LRP1B: variants seen among roughly 807,000 people sequenced by gnomAD.
LRP1B encodes LDL receptor related protein 1B, also known as low-density lipoprotein receptor-related protein 1B.
In LRP1B, 217 loss-of-function variants were observed where a neutral mutation model predicts 556.6. The ratio of observed to expected loss-of-function variants is 0.39; its 90% CI spans 0.35 to 0.44. LRP1B has a LOEUF of 0.44. LRP1B is among the 20% of genes least tolerant of loss of function. The probability of loss-of-function intolerance (pLI) is 1.00; values close to 1 mark genes in which losing one functional copy is unlikely to be tolerated. For synonymous variants in LRP1B, 2,047 were observed against 1,865.8 expected (o/e 1.10, Z -2.50); for missense variants, 5,053 against 5,620.8 (o/e 0.90, Z 3.23).
At position 140,501,978 on chromosome 2, in the gene LRP1B, CATA is replaced by C. The variant is rs1299220244; in HGVS notation, c.8663-107_8663-105del. ...TATCATTAACTCAGGTGTCAAAAAT[CATA>C]ATATAAGTTTATATAAAATCTTTTA... is the stretch of plus-strand genomic sequence containing the variant. On this transcript the variant is annotated intron_variant, in intron 54 of 90. Transcript: ENST00000389484. 6 of 768,122 alleles carry C rather than the reference CATA, an allele frequency of 7.8e-6. No homozygotes were observed. The African/African-American group carries it at 1.1e-4, about 14-fold the overall frequency. 47.6% of individuals were successfully genotyped at this position (768,122 alleles called of 1,614,324 possible).
At chr2:141,608,914 G>A (rs1449947951) in intron 2 of LRP1B, among the ~76,000 whole-genome samples, 1 of 152,148 alleles carries the variant, frequency 6.6e-6, no homozygotes, top group African/African-American at 2.4e-5. Flanking sequence ...TTACCAAAAT[G>A]TAATAATGAA....
chr2:141,794,581 A>C (rs1695738139), intron 2 of LRP1B, among the ~76,000 whole-genome samples: 1 of 152,010 alleles, frequency 6.6e-6, no homozygotes, highest in South Asian at 2.1e-4. Flanking sequence ...AAGTACTTTG[A>C]TCACCATATG....
intron 1 of LRP1B, among the ~76,000 whole-genome samples, chr2:142,053,709 A>G (rs555920771): frequency 6.6e-6 from 1 of 152,272 alleles, no homozygotes; most frequent in South Asian, 2.1e-4. Context: ...GAATTGTTAC[A>G]AAAAGACCAT....
intron 5 of LRP1B, among the ~76,000 whole-genome samples, chr2:141,233,415 T>C (rs1683543517): frequency 2.6e-5 from 4 of 152,192 alleles, no homozygotes; most frequent in Admixed American, 2.6e-4. Context: ...AGAATAGTAT[T>C]TGTGCTCTGT....
At chr2:140,547,959 GAAA>G (rs554822826) in intron 43 of LRP1B, among the ~76,000 whole-genome samples, 6 of 115,104 alleles carry the variant, frequency 5.2e-5, no homozygotes, top group Non-Finnish European at 7.4e-5. Flanking sequence ...CTGTAATCAG[GAAA>G]AAAAAAAAAA....
chr2:140,802,145 A>G (rs112934528), intron 32 of LRP1B, among the ~76,000 whole-genome samples: 2,957 of 152,282 alleles, frequency 0.019, 52 homozygotes, highest in Middle Eastern at 0.038. Context: ...ATTCTACTCA[A>G]CAAGCAATTT....
intron 2 of LRP1B, among the ~76,000 whole-genome samples, chr2:141,761,475 GA>G (rs1467594992): frequency 3.3e-5 from 5 of 151,236 alleles, no homozygotes; most frequent in African/African-American, 1.2e-4. Flanking sequence ...TACACTATAA[GA>G]AAAAAATTTT....
chr2:141,628,895 C>G (rs1004426441), intron 2 of LRP1B, among the ~76,000 whole-genome samples: 8 of 152,052 alleles, frequency 5.3e-5, no homozygotes, highest in African/African-American at 1.9e-4. Flanking sequence ...AGTGATCCTC[C>G]TGCCTCAGCC....
At chr2:140,770,216 A>G (rs1213925457) in intron 34 of LRP1B, among the ~76,000 whole-genome samples, 2 of 151,898 alleles carry the variant, frequency 1.3e-5, no homozygotes, top group African/African-American at 4.8e-5. Context: ...GGTGCTTAGA[A>G]CAGTGCCATG....
chr2:141,001,523 A>G (rs1389468432), intron 15 of LRP1B, among the ~76,000 whole-genome samples: 1 of 151,976 alleles, frequency 6.6e-6, no homozygotes, highest in Non-Finnish European at 1.5e-5. Flanking sequence ...CCTGTGTCCA[A>G]GTGTTCTCAT....
intron 3 of LRP1B, among the ~76,000 whole-genome samples, chr2:141,323,417 G>A (rs1243881349): frequency 6.6e-6 from 1 of 152,058 alleles, no homozygotes; most frequent in African/African-American, 2.4e-5. Flanking sequence ...GCTTAAGCAA[G>A]TTATTCAAAA....
chr2:141,015,199 C>CA (rs1235855039), intron 13 of LRP1B, among the ~76,000 whole-genome samples: 1 of 151,804 alleles, frequency 6.6e-6, no homozygotes. Context: ...GTTACTCTAG[C>CA]AAAAAAAGCA....
intron 1 of LRP1B, among the ~76,000 whole-genome samples, chr2:141,989,705 A>T (rs1702289832): frequency 6.6e-6 from 1 of 152,020 alleles, no homozygotes; most frequent in Non-Finnish European, 1.5e-5. Flanking sequence ...TGATGGTTTT[A>T]TAATGGCTTC....
intron 27 of LRP1B, among the ~76,000 whole-genome samples, chr2:140,860,189 G>A (rs981929992): frequency 3.9e-5 from 6 of 152,060 alleles, no homozygotes; most frequent in Non-Finnish European, 8.8e-5. Flanking sequence ...AATTCATTCT[G>A]ATTTATTCAC....
intron 41 of LRP1B, among the ~76,000 whole-genome samples, chr2:140,668,883 G>A (rs909166577): frequency 1.3e-5 from 2 of 152,188 alleles, no homozygotes; most frequent in Non-Finnish European, 2.9e-5. Flanking sequence ...AAGAGAAAAT[G>A]TAAAATACGG....
chr2:141,838,847 T>C (rs963011980), intron 1 of LRP1B, among the ~76,000 whole-genome samples: 1 of 152,116 alleles, frequency 6.6e-6, no homozygotes, highest in Non-Finnish European at 1.5e-5. Flanking sequence ...TTCAGATTAG[T>C]ATTTGCTTTT....
intron 43 of LRP1B, among the ~76,000 whole-genome samples, chr2:140,557,962 T>G (rs1239424987): frequency 1.3e-5 from 2 of 152,230 alleles, no homozygotes; most frequent in South Asian, 4.1e-4. Flanking sequence ...AAGCCTAAGC[T>G]CCAAAGAATA....
At chr2:141,301,264 GAATA>G (rs1686386702) in intron 3 of LRP1B, among the ~76,000 whole-genome samples, 1 of 152,050 alleles carries the variant, frequency 6.6e-6, no homozygotes, top group African/African-American at 2.4e-5. Context: ...GGGACATTGG[GAATA>G]AATATTTTAT....
chr2:141,410,415 A>G (rs1268501710), intron 3 of LRP1B, among the ~76,000 whole-genome samples: 1 of 152,060 alleles, frequency 6.6e-6, no homozygotes, highest in Non-Finnish European at 1.5e-5. Context: ...TGTTTTAAAA[A>G]GATGATATAG....
Sources: gnomAD v4.1 joint callset for allele counts (sites outside exome capture counted in the v4.1 genomes callset) on GRCh38, gnomAD v4.1.1 for gene constraint, MANE v1.5 for transcripts, NCBI Gene and HGNC (gene_info 2026-07-23, HGNC 2026-07-21) for gene names.